The following ESR1 variants were observed in gnomAD, a reference collection of about 807,000 sequenced individuals.
ESR1 encodes the protein estrogen receptor.
ESR1 carries 12 observed loss-of-function variants against 52.7 expected under a neutral mutation model. The observed-to-expected ratio is 0.23, with a 90% CI of 0.15 to 0.37. The LOEUF (loss-of-function observed/expected upper bound fraction) is 0.37, where lower values mean the gene tolerates loss of function less well. Among genes scored for constraint, ESR1 ranks in the 10% least tolerant of loss-of-function variants. The pLI is 1.00. For missense variants in ESR1, 584 were observed against 779.7 expected (o/e 0.75, Z 2.99); for synonymous variants, 305 against 316.8 (o/e 0.96, Z 0.39).
chr6:152,103,293 TG>T (rs757913152), downstream of ESR1: 8 of 176,550 alleles, frequency 4.5e-5, no homozygotes, highest in Non-Finnish European at 9.8e-5. Context: ...GTTTGTTTTT[TG>T]TAAGCTCCAC....
chr6:151,934,197 C>T (rs1465622540), intron 3 of ESR1, among the ~76,000 whole-genome samples: 6 of 152,110 alleles, frequency 3.9e-5, no homozygotes, highest in Middle Eastern at 3.2e-3. Context: ...GTGTGTTGTT[C>T]GTTCACCCTT....
chr6:151,808,388 C>G (rs1344893548), intron 1 of ESR1, 24 bp downstream of exon 1: 9 of 512,868 alleles, frequency 1.8e-5, no homozygotes, highest in Non-Finnish European at 2.5e-5. Context: ...CGCCGCCCGT[C>G]GGGGTGGCCG....
At chr6:151,777,962 A>AAAATAAAT (rs568443489) in intron 2 of ESR1, among the ~76,000 whole-genome samples, 9 of 152,112 alleles carry the variant, frequency 5.9e-5, no homozygotes, top group African/African-American at 1.7e-4. Flanking sequence ...CTCTGTCTCA[A>AAAATAAAT]AAATAAATAA....
chr6:151,967,882 G>C (rs2038451009), intron 4 of ESR1, among the ~76,000 whole-genome samples: 1 of 152,132 alleles, frequency 6.6e-6, no homozygotes. Flanking sequence ...CATTCTAACT[G>C]GCATAAGATG....
chr6:151,959,980 T>C (rs2037464478), intron 4 of ESR1, among the ~76,000 whole-genome samples: 1 of 152,208 alleles, frequency 6.6e-6, no homozygotes, highest in Non-Finnish European at 1.5e-5. Flanking sequence ...GCCAATAGAA[T>C]GTAAGTTCTA....
intron 1 of ESR1, among the ~76,000 whole-genome samples, chr6:151,812,714 G>A (rs1779005224): frequency 6.6e-6 from 1 of 152,120 alleles, no homozygotes; most frequent in Non-Finnish European, 1.5e-5. Flanking sequence ...GAATGGAGAG[G>A]AGCAAATTAG....
chr6:151,774,371 G>A (rs747514036), intron 2 of ESR1, among the ~76,000 whole-genome samples: 5 of 152,206 alleles, frequency 3.3e-5, no homozygotes, highest in Non-Finnish European at 7.3e-5. Context: ...TTGACATTTC[G>A]TTTGAAGTTA....
intron 3 of ESR1, among the ~76,000 whole-genome samples, chr6:151,908,667 C>T (rs2128427452): frequency 6.6e-6 from 1 of 152,252 alleles, no homozygotes; most frequent in East Asian, 1.9e-4. Context: ...AATAAGTTAA[C>T]TTTCCTATCC....
At chr6:151,695,751 T>C (rs1582918495) in intron 1 of ESR1, among the ~76,000 whole-genome samples, 1 of 152,212 alleles carries the variant, frequency 6.6e-6, no homozygotes, top group Admixed American at 6.5e-5. Context: ...CTAATAATTA[T>C]TTATTAGAAG....
Position 152,098,888 on chromosome 6 carries a change from T to C in ESR1, c.1710T>C (p.Thr570=), listed in dbSNP as rs750844440. The part of the protein sequence containing the change: ...VEETDQSHLA[T]AGSTSSHSLQ... ...AGACGGACCAAAGCCACTTGGCCACTGCGGGCTCTACTTCATCGCATTCCT... is the reference window on the plus strand; with the variant it reads ...AGACGGACCAAAGCCACTTGGCCACCGCGGGCTCTACTTCATCGCATTCCT... Residue 570 remains threonine (T), a synonymous_variant, in exon 8 of 8, where the codon ACT becomes ACC. Transcript: ENST00000206249. The surrounding 1 kb of genome is among the most constrained non-coding windows in gnomAD (Gnocchi z 5.1). 1.2e-5 allele frequency: 20 copies of C among 1,614,104 alleles called. No homozygotes were observed. The highest frequency in any genetic ancestry group is 1.5e-5 in the Non-Finnish European group (18 of 1,180,040).
chr6:151,988,136 A>G (rs1313124896), intron 4 of ESR1, among the ~76,000 whole-genome samples: 1 of 152,096 alleles, frequency 6.6e-6, no homozygotes, highest in Non-Finnish European at 1.5e-5. Context: ...TGTGCACTTT[A>G]TTTCTATTAT....
chr6:151,721,996 A>G (rs927068227), intron 2 of ESR1, among the ~76,000 whole-genome samples: 1 of 152,260 alleles, frequency 6.6e-6, no homozygotes, highest in Non-Finnish European at 1.5e-5. Context: ...TTTGCTTTCC[A>G]ACAGATGGTG....
intron 6 of ESR1, among the ~76,000 whole-genome samples, chr6:152,089,619 C>T (rs947678239): frequency 2.0e-5 from 3 of 152,198 alleles, no homozygotes; most frequent in Non-Finnish European, 2.9e-5. Context: ...CACTCTGTCA[C>T]CCAGGCTAGA....
At chr6:152,003,858 G>T (rs1246663883) in intron 4 of ESR1, among the ~76,000 whole-genome samples, 6 of 151,830 alleles carry the variant, frequency 4.0e-5, no homozygotes, top group Non-Finnish European at 1.5e-5. Flanking sequence ...TCAGAATTAA[G>T]ATATATCCAG....
intron 6 of ESR1, among the ~76,000 whole-genome samples, chr6:152,091,904 A>C (rs1348424763): frequency 6.6e-6 from 1 of 152,222 alleles, no homozygotes; most frequent in East Asian, 1.9e-4. Context: ...AAATTGGTAG[A>C]AAGTACATCA....
intron 2 of ESR1, among the ~76,000 whole-genome samples, chr6:151,741,966 G>GTTAT (rs1435669721): frequency 6.6e-6 from 1 of 151,938 alleles, no homozygotes; most frequent in African/African-American, 2.4e-5. Flanking sequence ...TAACCACTGT[G>GTTAT]TTATGTTCTA....
At chr6:151,721,278 A>G (rs11756568) in intron 2 of ESR1, among the ~76,000 whole-genome samples, 1 of 152,072 alleles carries the variant, frequency 6.6e-6, no homozygotes, top group South Asian at 2.1e-4. Context: ...TTGGCAAGTT[A>G]GGGGAGTCGT....
chr6:151,982,272 G>T (rs1215387929), intron 4 of ESR1, among the ~76,000 whole-genome samples: 1 of 152,138 alleles, frequency 6.6e-6, no homozygotes, highest in Non-Finnish European at 1.5e-5. Context: ...TGTGCTTCTG[G>T]GTGTATTCCA....
intron 3 of ESR1, among the ~76,000 whole-genome samples, chr6:151,908,845 G>T (rs180875651): frequency 5.8e-4 from 88 of 151,300 alleles, no homozygotes; most frequent in African/African-American, 2.1e-3. Flanking sequence ...GCCACAACTG[G>T]CAGAGATTTG....
Sources: allele counts gnomAD v4.1 joint callset (sites outside exome capture counted in the v4.1 genomes callset), GRCh38; gene constraint gnomAD v4.1.1; non-coding constraint Gnocchi (gnomAD v3.1); transcripts MANE v1.5; gene names NCBI Gene and HGNC (gene_info 2026-07-23, HGNC 2026-07-21).